Variants in TMEM117 observed in about 807,000 individuals in gnomAD.
The protein encoded by TMEM117 is transmembrane protein 117.
A neutral mutation model predicts 52.4 loss-of-function variants in TMEM117; 27 were observed. That is an observed-to-expected ratio of 0.51 (90% CI 0.38 to 0.71). The LOEUF (loss-of-function observed/expected upper bound fraction) is 0.71. Among genes scored for constraint, TMEM117 ranks in the 30% least tolerant of loss-of-function variants. The probability of loss-of-function intolerance (pLI) is 0.00; values close to 1 mark genes in which losing one functional copy is unlikely to be tolerated. For missense variants in TMEM117, 556 were observed against 630.5 expected, an observed-to-expected ratio of 0.88 and a Z score of 1.26; for synonymous variants, 215 against 206.3, an observed-to-expected ratio of 1.04 and a Z score of -0.36.
chr12:43,980,084 A>G (rs1054482393), intron 3 of TMEM117, among the ~76,000 whole-genome samples: 1 of 152,150 alleles, frequency 6.6e-6, no homozygotes, highest in South Asian at 2.1e-4. Context: ...CTTGCCTAAG[A>G]TAGGGTCCCA....
At chr12:43,944,656 A>G (rs1186812020) in intron 3 of TMEM117, among the ~76,000 whole-genome samples, 3 of 152,192 alleles carry the variant, frequency 2.0e-5, no homozygotes, top group Non-Finnish European at 4.4e-5. Flanking sequence ...TGATTTGCAT[A>G]TATTCAAATG....
chr12:44,379,138 A>G (rs980958646), intron 7 of TMEM117, among the ~76,000 whole-genome samples: 5 of 151,462 alleles, frequency 3.3e-5, no homozygotes, highest in Non-Finnish European at 7.4e-5. Flanking sequence ...GAAAGAAAGG[A>G]AGAAAGAGGA....
intron 5 of TMEM117, among the ~76,000 whole-genome samples, chr12:44,298,434 A>G (rs1287330122): frequency 7.3e-6 from 1 of 136,214 alleles, no homozygotes; most frequent in Non-Finnish European, 1.6e-5. Flanking sequence ...TTTTCTTCTT[A>G]TAATTCTAAA....
chr12:44,307,912 A>T (rs1167416418), intron 6 of TMEM117, among the ~76,000 whole-genome samples: 1 of 152,254 alleles, frequency 6.6e-6, no homozygotes, highest in Admixed American at 6.5e-5. Context: ...GGATTCAATC[A>T]TGGGTACTGG....
chr12:44,357,519 G>C (rs1951666386), intron 6 of TMEM117, among the ~76,000 whole-genome samples: 1 of 152,092 alleles, frequency 6.6e-6, no homozygotes, highest in East Asian at 1.9e-4. Flanking sequence ...ATAGAGTGTG[G>C]CTATACATAG....
At chr12:43,893,213 T>C (rs1208121058) in intron 2 of TMEM117, among the ~76,000 whole-genome samples, 1 of 152,192 alleles carries the variant, frequency 6.6e-6, no homozygotes, top group African/African-American at 2.4e-5. Flanking sequence ...ATGACCTAAT[T>C]TATATTTTTA....
At chr12:44,156,218 A>G (rs1375908005) in intron 4 of TMEM117, among the ~76,000 whole-genome samples, 1 of 152,130 alleles carries the variant, frequency 6.6e-6, no homozygotes, top group African/African-American at 2.4e-5. Flanking sequence ...TTCATGCTGT[A>G]TTTGTTGACT....
At chr12:44,069,853 A>T (rs1427943712) in intron 3 of TMEM117, among the ~76,000 whole-genome samples, 2 of 152,274 alleles carry the variant, frequency 1.3e-5, no homozygotes, top group African/African-American at 2.4e-5. Flanking sequence ...TCCATGATGA[A>T]ATCAGGGATT....
Position 44,090,858 on chromosome 12 carries a change from T to G in TMEM117, c.411-52667T>G, listed in dbSNP as rs1223072879. On this transcript the variant is annotated intron_variant, in intron 3 of 7. Transcript: ENST00000266534. ...TTATGTGTTTTTTTTTGTTTTTTTT[T>G]TTTTTTTGCTGAGTGCAGGCATCAC... Among the ~76,000 whole-genome samples the G allele has an allele frequency of 6.8e-5, 10 of 146,274 alleles. 1 individual carries two copies. Among genetic ancestry groups the G allele is most frequent in the Admixed American group, 4.1e-4 (6 of 14,764 alleles).
At chr12:44,241,622 G>A (rs911907022) in intron 5 of TMEM117, among the ~76,000 whole-genome samples, 6 of 151,724 alleles carry the variant, frequency 4.0e-5, no homozygotes, top group Non-Finnish European at 8.8e-5. Flanking sequence ...GTTTCTTTTG[G>A]TAGTTTTGTG....
In TMEM117 at chr12:44,326,132, T is replaced by A. The variant is rs1437366597; in HGVS notation, c.768+26393T>A. 2.0e-5 allele frequency among the ~76,000 whole-genome samples: 3 copies of A among 152,176 alleles called. No homozygotes were observed. The East Asian group carries it at 5.8e-4, about 29-fold the overall frequency. ...GAGCCAAAATCCTGCCACACTGCAC[T>A]CCAGCAGCCTGGGCAACAGAGTGAG... On this transcript the variant is annotated intron_variant, in intron 6 of 7. Coordinates refer to ENST00000266534, the MANE Select transcript of TMEM117 (RefSeq NM_032256.3).
intron 2 of TMEM117, among the ~76,000 whole-genome samples, chr12:43,935,448 T>G (rs1398093453): frequency 6.6e-6 from 1 of 152,234 alleles, no homozygotes; most frequent in Non-Finnish European, 1.5e-5. Flanking sequence ...ATTCTAATAT[T>G]TAAAATGTTA....
chr12:44,388,127 A>G lies in TMEM117; in HGVS notation c.1000A>G (p.Ile334Val). 9 of 1,613,188 alleles carry G rather than the reference A, an allele frequency of 5.6e-6. No homozygotes were observed. The highest frequency in any genetic ancestry group is 7.6e-6 in the Non-Finnish European group (9 of 1,179,548). ...TAAACCTCATGAATATGGGCAATATATCGGCCCGGGGCAGAAGATATATAC... is the reference window on the plus strand; with the variant it reads ...TAAACCTCATGAATATGGGCAATATGTCGGCCCGGGGCAGAAGATATATAC... ...FYKPHEYGQY[I>V]GPGQKIYTVK... Residue 334 changes from isoleucine to valine, a missense_variant, in exon 8 of 8, where the codon ATC becomes GTC. Transcript: ENST00000266534.
rs546042268 is a variant in TMEM117, at chr12:44,069,261, A to T, written c.411-74264A>T. Among the ~76,000 whole-genome samples the T allele has an allele frequency of 2.0e-5, 3 of 152,328 alleles. No individual in the cohort carries two copies. The South Asian group carries it at 6.2e-4, about 32-fold the overall frequency. Reference sequence around the variant, plus strand: ...TTTTTATGTAAAACCTACACTTTGCAGGATATATATGGGATTTATATTAAT... The same window carrying T: ...TTTTTATGTAAAACCTACACTTTGCTGGATATATATGGGATTTATATTAAT... On this transcript the variant is annotated intron_variant, in intron 3 of 7. Transcript: ENST00000266534.
At chr12:44,129,558 A>G (rs1291974764) in intron 3 of TMEM117, among the ~76,000 whole-genome samples, 1 of 152,234 alleles carries the variant, frequency 6.6e-6, no homozygotes, top group Non-Finnish European at 1.5e-5. Flanking sequence ...CATGGAACCC[A>G]GGGAACATTT....
At chr12:43,916,599 T>C (rs1944607273) in intron 2 of TMEM117, among the ~76,000 whole-genome samples, 1 of 152,328 alleles carries the variant, frequency 6.6e-6, no homozygotes, top group African/African-American at 2.4e-5. Flanking sequence ...ACTACTTATA[T>C]CACTCTGATG....
At chr12:44,293,676 T>C (rs1282597257) in intron 5 of TMEM117, among the ~76,000 whole-genome samples, 1 of 152,106 alleles carries the variant, frequency 6.6e-6, no homozygotes. Flanking sequence ...TTCAGTTGCA[T>C]ACAAACACTC....
chr12:44,028,562 G>C (rs570900429), intron 3 of TMEM117, among the ~76,000 whole-genome samples: 9 of 152,140 alleles, frequency 5.9e-5, no homozygotes, highest in Non-Finnish European at 1.3e-4. Context: ...GAGTGGCCTC[G>C]GTCGTCCTCA....
chr12:43,918,564 A>G (rs1042159122), intron 2 of TMEM117, among the ~76,000 whole-genome samples: 4 of 152,178 alleles, frequency 2.6e-5, no homozygotes, highest in Middle Eastern at 3.2e-3. Flanking sequence ...TACTTCTGAT[A>G]TTATTTTTCA....
Sources: gnomAD v4.1 joint callset for allele counts (sites outside exome capture counted in the v4.1 genomes callset) on GRCh38, gnomAD v4.1.1 for gene constraint, MANE v1.5 for transcripts, NCBI Gene and HGNC (gene_info 2026-07-23, HGNC 2026-07-21) for gene names.